Variants in SPICE1 observed in about 807,000 individuals in gnomAD.
The protein encoded by SPICE1 is spindle and centriole associated protein 1.
SPICE1 carries 75 observed loss-of-function variants against 102.7 expected under a neutral mutation model. That is an observed-to-expected ratio of 0.73 (90% CI 0.61 to 0.88). SPICE1 has a LOEUF of 0.88. SPICE1 is among the 40% of genes least tolerant of loss of function. SPICE1 has a pLI of 0.00. For missense variants in SPICE1, 979 were observed against 1,020.1 expected, an observed-to-expected ratio of 0.96 and a Z score of 0.55; for synonymous variants, 308 against 350.3, an observed-to-expected ratio of 0.88 and a Z score of 1.35.
At chr3:113,463,958 CT>C (rs1935991817) in intron 11 of SPICE1, among the ~76,000 whole-genome samples, 1 of 152,080 alleles carries the variant, frequency 6.6e-6, no homozygotes, top group Admixed American at 6.5e-5. Context: ...GTCCCAGCTA[CT>C]CAGGAGGCTA....
intron 7 of SPICE1, among the ~76,000 whole-genome samples, chr3:113,471,482 G>A (rs1204514530): frequency 2.0e-5 from 3 of 152,144 alleles, no homozygotes; most frequent in Non-Finnish European, 4.4e-5. Flanking sequence ...CTTCTCCTCT[G>A]GAGGGAGTGT....
intron 13 of SPICE1, among the ~76,000 whole-genome samples, chr3:113,455,060 A>G (rs1330882658): frequency 6.6e-6 from 1 of 151,506 alleles, no homozygotes; most frequent in Non-Finnish European, 1.5e-5. Flanking sequence ...CCCTTTAAAA[A>G]CTCTTGTCTT....
At chr3:113,485,902 C>G (rs997804143) in intron 7 of SPICE1, among the ~76,000 whole-genome samples, 1 of 152,080 alleles carries the variant, frequency 6.6e-6, no homozygotes, top group African/African-American at 2.4e-5. Flanking sequence ...GAAAACAAAA[C>G]ACCACATGTC....
chr3:113,468,864 G>T lies in SPICE1; in HGVS notation c.787C>A (p.Gln263Lys). 1.9e-6 allele frequency: 3 copies of T among 1,614,084 alleles called. No homozygotes were observed. In the South Asian group the frequency reaches 3.3e-5, roughly 18 times the overall value. ...GATTCTTCAGGCTGAAGCCTGGTTT[G>T]GAGTCTCTTGACAGCATTGGTAGCA... ...LNATNAVKRL[Q>K]TRLQPEESTE... The change falls in exon 9 of 18, where the codon CAA (glutamine) becomes AAA (lysine). Residue 263 changes from glutamine to lysine, a missense_variant. Gln to Lys is a moderately conservative substitution (Grantham distance 53). Coordinates refer to ENST00000295872, the MANE Select transcript of SPICE1 (RefSeq NM_144718.4).
chr3:113,506,561 T>C lies in SPICE1; in HGVS notation c.45A>G (p.Val15=). The change falls in exon 2 of 18, where the codon GTA becomes GTG. Residue 15 remains valine (V), a synonymous_variant. Coordinates refer to ENST00000295872, the MANE Select transcript of SPICE1 (RefSeq NM_144718.4). ...TCTTCTTTACTTTCGGTGTCTTTCT[T>C]ACACCAACTCGGGGACCACAGCGGT... ...RVNRCGPRVG[V]RKTPKVKKKK... 6.2e-7 allele frequency: 1 copy of C among 1,613,650 alleles called. No homozygotes were observed.
In SPICE1 at chr3:113,445,196, C is replaced by A; in HGVS notation, c.*111G>T. 2 of 819,358 alleles carry A rather than the reference C, an allele frequency of 2.4e-6. No homozygotes were observed. The highest frequency in any genetic ancestry group is 3.8e-6 in the Non-Finnish European group (2 of 521,814). The allele number at this position is 819,358 out of a possible 1,614,324, so 50.8% of individuals were successfully genotyped here. On this transcript the variant is annotated 3_prime_UTR_variant, in exon 18 of 18. Transcript: ENST00000295872. ...TCTCTGTTTCATTAGTACTAATTCACAGGATCTTTGTAGGTTTTATCTGAA... is the reference window on the plus strand; with the variant it reads ...TCTCTGTTTCATTAGTACTAATTCAAAGGATCTTTGTAGGTTTTATCTGAA...
chr3:113,499,568 T>C lies in SPICE1; in HGVS notation c.162A>G (p.Glu54=). 6.2e-7 allele frequency: 1 copy of C among 1,610,738 alleles called. No homozygotes were observed. The highest frequency in any genetic ancestry group is 8.5e-7 in the Non-Finnish European group (1 of 1,178,996). ...ATGCTCTATTCTTCGATTTGTGTAT[T>C]TCATGACGGCGTACCTATACAGAAG... The part of the protein sequence containing the change: ...ATPEDLVRRH[E]IHKSKNRALV... The change falls in exon 4 of 18, where the codon GAA becomes GAG. Residue 54 remains glutamate, a synonymous_variant. Transcript: ENST00000295872.
chr3:113,468,937 AC>A, intron 8 of SPICE1, 38 bp from the exon 9 acceptor site: 18 of 1,589,550 alleles, frequency 1.1e-5, no homozygotes, highest in Non-Finnish European at 1.5e-5. Context: ...TCTCAAGTGA[AC>A]AAACTTCTTA....
In SPICE1 at chr3:113,453,542, A is replaced by T. The variant is rs1358567269; in HGVS notation, c.2066T>A (p.Ile689Asn). 1.2e-6 allele frequency: 2 copies of T among 1,613,942 alleles called. No individual in the cohort carries two copies. Among genetic ancestry groups the T allele is most frequent in the African/African-American group, 2.7e-5 (2 of 74,892 alleles). The change falls in exon 14 of 18, where the codon ATT becomes AAT. Residue 689 changes from isoleucine (I) to asparagine (N), a missense_variant. Coordinates refer to ENST00000295872, the MANE Select transcript of SPICE1 (RefSeq NM_144718.4). ...CCCTTGCTCTCCTCTGGGCTCAATA[A>T]TATTATTCATATGTGCCTTGATAGC... The part of the protein sequence containing the change: ...NSAIKAHMNN[I>N]IEPRGEQGDG...
At chr3:113,474,701 A>C (rs562370962) in intron 7 of SPICE1, among the ~76,000 whole-genome samples, 13 of 152,270 alleles carry the variant, frequency 8.5e-5, no homozygotes, top group African/African-American at 2.2e-4. Flanking sequence ...GGGTACATAA[A>C]TAAATGAAGG....
At chr3:113,511,480 G>A (rs2107511958) in intron 1 of SPICE1, among the ~76,000 whole-genome samples, 1 of 152,274 alleles carries the variant, frequency 6.6e-6, no homozygotes, top group South Asian at 2.1e-4. Flanking sequence ...GGAACTGGAA[G>A]CCATTACACT....
intron 4 of SPICE1, among the ~76,000 whole-genome samples, chr3:113,497,372 C>T (rs1936914860): frequency 1.3e-5 from 2 of 152,150 alleles, no homozygotes; most frequent in South Asian, 4.1e-4. Context: ...TTAAACTATA[C>T]TCTAACACAC....
chr3:113,446,290 G>A (rs1015101699), intron 17 of SPICE1, among the ~76,000 whole-genome samples: 23 of 152,082 alleles, frequency 1.5e-4, no homozygotes, highest in East Asian at 3.9e-4. Flanking sequence ...CCCATTCAAG[G>A]CACACCTGTG....
rs1936144089 is a variant in SPICE1, at chr3:113,469,436, A to G, written c.612-198T>C. 2.0e-5 allele frequency among the ~76,000 whole-genome samples: 3 copies of G among 146,494 alleles called. No individual in the cohort carries two copies. The South Asian group carries it at 6.3e-4, about 31-fold the overall frequency. ...TAATTATAATTTATAATTAAATTAT[A>G]TAATTAATTATATATAATTATATAA... On this transcript the variant is annotated intron_variant, in intron 7 of 17. Coordinates refer to ENST00000295872, the MANE Select transcript of SPICE1 (RefSeq NM_144718.4).
chr3:113,457,501 T>C (rs774478961), intron 12 of SPICE1, 144 bp from the exon 13 acceptor site: 4 of 762,652 alleles, frequency 5.2e-6, no homozygotes, highest in Non-Finnish European at 8.3e-6. Context: ...CTTTCTAGGC[T>C]GTATCCTCCT....
At chr3:113,491,637 A>AG (rs1441265027) in intron 6 of SPICE1, among the ~76,000 whole-genome samples, 1 of 150,972 alleles carries the variant, frequency 6.6e-6, no homozygotes, top group East Asian at 1.9e-4. Flanking sequence ...AAAAAAAAAA[A>AG]AAAAAAAAAA....
chr3:113,447,880 C>G (rs954885986), intron 16 of SPICE1, among the ~76,000 whole-genome samples, 158 bp downstream of exon 16: 13 of 152,184 alleles, frequency 8.5e-5, no homozygotes, highest in Non-Finnish European at 1.8e-4. Context: ...TCCATTTCCC[C>G]TCAAAATTCT....
intron 16 of SPICE1, 112 bp downstream of exon 16, chr3:113,447,926 G>A (rs574506557): frequency 4.4e-6 from 4 of 912,712 alleles, no homozygotes; most frequent in Non-Finnish European, 6.3e-6. Context: ...GCATGAGTCT[G>A]TCTCAACCTA....
intron 15 of SPICE1, 68 bp downstream of exon 15, chr3:113,450,268 A>G: frequency 1.9e-6 from 3 of 1,593,352 alleles, no homozygotes; most frequent in Non-Finnish European, 2.6e-6. Context: ...CTTAATATAA[A>G]CTTGCAAAAT....
Sources: gnomAD v4.1 joint callset for allele counts (sites outside exome capture counted in the v4.1 genomes callset) on GRCh38, gnomAD v4.1.1 for gene constraint, MANE v1.5 for transcripts, NCBI Gene and HGNC (gene_info 2026-07-23, HGNC 2026-07-21) for gene names.